Variants in ADAMTS9 observed in about 807,000 individuals in gnomAD.
The protein encoded by ADAMTS9 is A disintegrin and metalloproteinase with thrombospondin motifs 9.
ADAMTS9 carries 107 observed loss-of-function variants against 257.1 expected under a neutral mutation model. That is an observed-to-expected ratio of 0.42 (90% CI 0.36 to 0.49). ADAMTS9 has a LOEUF of 0.49. Among genes scored for constraint, ADAMTS9 ranks in the 20% least tolerant of loss-of-function variants. ADAMTS9 has a pLI of 0.03. For missense variants in ADAMTS9, 2,353 were observed against 2,469.1 expected (o/e 0.95, Z 1.00); for synonymous variants, 982 against 880.9 (o/e 1.11, Z -2.03).
intron 37 of ADAMTS9, among the ~76,000 whole-genome samples, chr3:64,534,652 T>G (rs1335076788): frequency 6.6e-6 from 1 of 152,180 alleles, no homozygotes; most frequent in Non-Finnish European, 1.5e-5. Context: ...GAGTGCTAGA[T>G]TCCACAAGAT....
chr3:64,606,644 A>T (rs1376363636), intron 23 of ADAMTS9, among the ~76,000 whole-genome samples: 1 of 152,198 alleles, frequency 6.6e-6, no homozygotes, highest in Non-Finnish European at 1.5e-5. Flanking sequence ...TGAACATGTG[A>T]CACTAGTTAC....
intron 29 of ADAMTS9, among the ~76,000 whole-genome samples, chr3:64,562,261 C>T (rs914106244): frequency 3.3e-5 from 5 of 152,152 alleles, no homozygotes; most frequent in East Asian, 1.9e-4. Flanking sequence ...CCTTTTCTTG[C>T]TCCTATTCAT....
chr3:64,526,787 T>C (rs1489866006), intron 38 of ADAMTS9, among the ~76,000 whole-genome samples: 1 of 152,182 alleles, frequency 6.6e-6, no homozygotes, highest in Non-Finnish European at 1.5e-5. Flanking sequence ...ATCACGGGTT[T>C]GCTGTAAAGG....
intron 38 of ADAMTS9, among the ~76,000 whole-genome samples, chr3:64,525,924 T>C (rs1214242395): frequency 2.4e-5 from 2 of 82,386 alleles, no homozygotes; most frequent in Non-Finnish European, 6.9e-5. Context: ...AGAAAAATTA[T>C]ATTTACCAAT....
chr3:64,593,961 A>ATGTGTGTGTGTGTGTGTGTG (rs200112357), intron 28 of ADAMTS9, among the ~76,000 whole-genome samples: 1 of 108,264 alleles, frequency 9.2e-6, no homozygotes, highest in Non-Finnish European at 1.7e-5. Context: ...TGTGTGTATG[A>ATGTGTGTGTGTGTGTGTGTG]TGTGTGTGTG....
chr3:64,650,102 T>C (rs1700894924), intron 9 of ADAMTS9: 2 of 217,460 alleles, frequency 9.2e-6, no homozygotes, highest in South Asian at 1.3e-4. Flanking sequence ...AGGGCAAAGA[T>C]AGTGTCTTTT....
At chr3:64,587,145 T>C (rs2084172596) in intron 28 of ADAMTS9, 1 of 152,164 alleles carries the variant, frequency 6.6e-6, no homozygotes, top group African/African-American at 2.4e-5. Context: ...TCAAGACCCC[T>C]GGTTCTGATA....
intron 27 of ADAMTS9, 122 bp downstream of exon 27, chr3:64,596,708 A>T: frequency 8.4e-7 from 1 of 1,193,990 alleles, no homozygotes; most frequent in Non-Finnish European, 1.2e-6. Context: ...TTTCCTAGTT[A>T]ATCCCCACCC....
intron 3 of ADAMTS9, among the ~76,000 whole-genome samples, chr3:64,666,649 C>T (rs1701359646): frequency 8.5e-6 from 1 of 117,466 alleles, no homozygotes; most frequent in African/African-American, 2.6e-5. Context: ...ATGGTAATAA[C>T]AGCATACTGC....
At position 64,516,723 on chromosome 3, in the gene ADAMTS9, TA is replaced by T. The variant is rs897874716; in HGVS notation, c.*403del. 1 of 152,602 alleles carries T rather than the reference TA, an allele frequency of 6.6e-6. No homozygotes were observed. The highest frequency in any genetic ancestry group is 2.4e-5 in the African/African-American group (1 of 41,440). 9.5% of individuals were successfully genotyped at this position (152,602 alleles called of 1,614,324 possible). A position where few individuals can be genotyped will look rare whatever the true frequency, so the allele number is the denominator to read the frequency against. ...CACCTTGATGATGGCTAGATTGTTTTAAAAAAATTCATTTTAAAAAAGTAAC... is the reference window on the plus strand; with the variant it reads ...CACCTTGATGATGGCTAGATTGTTTTAAAAAATTCATTTTAAAAAAGTAAC... On this transcript the variant is annotated 3_prime_UTR_variant, in exon 40 of 40. Transcript: ENST00000498707.
chr3:64,516,644 T>C lies in ADAMTS9; in HGVS notation c.*483A>G, dbSNP rs976366155. The C allele has an allele frequency of 6.6e-6, 1 of 152,662 alleles. No homozygotes were observed. Among genetic ancestry groups the C allele is most frequent in the Non-Finnish European group, 1.5e-5 (1 of 68,042 alleles). 9.5% of individuals were successfully genotyped at this position (152,662 alleles called of 1,614,324 possible). ...ATCTGTGATATCACTAACATACTTA[T>C]TGGCTGATACTTGCCTAGAAATGCC... On this transcript the variant is annotated 3_prime_UTR_variant, in exon 40 of 40. Transcript: ENST00000498707.
At chr3:64,519,163 T>C (rs2106864922) in intron 39 of ADAMTS9, among the ~76,000 whole-genome samples, 1 of 152,314 alleles carries the variant, frequency 6.6e-6, no homozygotes, top group African/African-American at 2.4e-5. Context: ...CACAGTTTTG[T>C]TGTGAGGATT....
intron 29 of ADAMTS9, among the ~76,000 whole-genome samples, chr3:64,562,229 GAATT>G (rs1361997144): frequency 2.0e-5 from 3 of 152,116 alleles, no homozygotes; most frequent in African/African-American, 7.2e-5. Context: ...TTTATAAGTA[GAATT>G]ATTTTCTCCA....
At chr3:64,654,823 T>G (rs1701022073) in intron 6 of ADAMTS9, 1 of 583,324 alleles carries the variant, frequency 1.7e-6, no homozygotes, top group African/African-American at 1.9e-5. Flanking sequence ...AGAAGTTTTC[T>G]TCTGTGGTCA....
intron 38 of ADAMTS9, among the ~76,000 whole-genome samples, chr3:64,526,808 T>C (rs1250539759): frequency 1.3e-5 from 2 of 152,200 alleles, no homozygotes; most frequent in East Asian, 3.8e-4. Flanking sequence ...AGATAATGCA[T>C]GTAATGTGCT....
Position 64,619,497 on chromosome 3 carries a change from G to A in ADAMTS9, c.2813+1617C>T, listed in dbSNP as rs76158250. ...CTCGTTGTGTGAGCTTGTGCAATTT[G>A]TTTAACGACTCTCAGCCTCTATTTT... On this transcript the variant is annotated intron_variant, in intron 19 of 39. Coordinates refer to ENST00000498707, the MANE Select transcript of ADAMTS9 (RefSeq NM_182920.2). Among the ~76,000 whole-genome samples, 61 of 152,222 alleles carry A rather than the reference G, an allele frequency of 4.0e-4. 3 individuals carry two copies. In the East Asian group the frequency reaches 0.012, roughly 29 times the overall value.
At chr3:64,626,219 A>G (rs1700217108) in intron 16 of ADAMTS9, among the ~76,000 whole-genome samples, 1 of 152,182 alleles carries the variant, frequency 6.6e-6, no homozygotes, top group Non-Finnish European at 1.5e-5. Context: ...TGTCTATTAT[A>G]GAAGCCTAAT....
At chr3:64,674,091 AGTT>A (rs1701563594) in intron 3 of ADAMTS9, among the ~76,000 whole-genome samples, 6 of 151,516 alleles carry the variant, frequency 4.0e-5, no homozygotes, top group African/African-American at 1.5e-4. Context: ...TTAACACTAA[AGTT>A]TTTTTTTAAA....
chr3:64,578,020 G>A (rs534513636), intron 28 of ADAMTS9, among the ~76,000 whole-genome samples: 46 of 152,226 alleles, frequency 3.0e-4, no homozygotes, highest in Admixed American at 1.4e-3. Context: ...TAACATTTTC[G>A]GGAAGCAGCT....
Sources: gnomAD v4.1 joint callset for allele counts (sites outside exome capture counted in the v4.1 genomes callset) on GRCh38, gnomAD v4.1.1 for gene constraint, MANE v1.5 for transcripts, NCBI Gene and HGNC (gene_info 2026-07-23, HGNC 2026-07-21) for gene names.